B4GALT1: variants seen among roughly 807,000 people sequenced by gnomAD.
B4GALT1 encodes N-acetyllactosamine synthase.
Under a neutral mutation model 34.9 loss-of-function variants are expected in B4GALT1, and 16 were observed. The ratio of observed to expected loss-of-function variants is 0.46; its 90% CI spans 0.31 to 0.70. The LOEUF is 0.70. Among genes scored for constraint, B4GALT1 ranks in the 30% least tolerant of loss-of-function variants. The pLI, the probability that B4GALT1 is intolerant of heterozygous loss-of-function variation, is 0.05. For missense variants in B4GALT1, 445 were observed against 530.5 expected (o/e 0.84, Z 1.58); for synonymous variants, 221 against 218.1 (o/e 1.01, Z -0.12).
intron 3 of B4GALT1, among the ~76,000 whole-genome samples, chr9:33,117,976 GC>G: frequency 6.6e-6 from 1 of 152,142 alleles, no homozygotes; most frequent in Non-Finnish European, 1.5e-5. Context: ...TCCCCTATCT[GC>G]CCCAAGCCCA....
chr9:33,125,703 A>G (rs1840082240), intron 2 of B4GALT1, among the ~76,000 whole-genome samples: 1 of 152,136 alleles, frequency 6.6e-6, no homozygotes, highest in African/African-American at 2.4e-5. Flanking sequence ...AATCCCCAAG[A>G]AAATCCTAAC....
At chr9:33,163,109 T>C (rs1378844565) in intron 1 of B4GALT1, among the ~76,000 whole-genome samples, 3 of 151,166 alleles carry the variant, frequency 2.0e-5, no homozygotes, top group African/African-American at 7.3e-5. Flanking sequence ...CGAGAGAGAG[T>C]CCTTTCCCAA....
At chr9:33,126,526 C>G (rs1045496486) in intron 2 of B4GALT1, among the ~76,000 whole-genome samples, 2 of 69,850 alleles carry the variant, frequency 2.9e-5, no homozygotes, top group African/African-American at 8.6e-5. Context: ...GCAATCTTCT[C>G]ACCTCAGCCT....
chr9:33,138,479 C>T (rs1840302890), intron 1 of B4GALT1, among the ~76,000 whole-genome samples: 1 of 152,100 alleles, frequency 6.6e-6, no homozygotes, highest in East Asian at 1.9e-4. Context: ...CTTCCCTGCC[C>T]TCAGCATGAA....
At chr9:33,105,494 G>A (rs940705518) in intron 2 of B4GALT1, among the ~76,000 whole-genome samples, 1 of 152,228 alleles carries the variant, frequency 6.6e-6, no homozygotes, top group South Asian at 2.1e-4. Context: ...CAGTCATCGG[G>A]GGCAGAGTGC....
At chr9:33,126,234 A>C (rs1397092489) in intron 2 of B4GALT1, among the ~76,000 whole-genome samples, 1 of 152,094 alleles carries the variant, frequency 6.6e-6, no homozygotes, top group African/African-American at 2.4e-5. Flanking sequence ...GGTTGCATGA[A>C]ACAGTAACAG....
At chr9:33,135,474 C>A in intron 1 of B4GALT1, 50 bp from the exon 2 acceptor site, 4 of 1,547,976 alleles carry the variant, frequency 2.6e-6, no homozygotes, top group Non-Finnish European at 3.6e-6. Flanking sequence ...GACTCGCCAC[C>A]GCTCCACAGG....
rs921847636 is a variant in B4GALT1, at chr9:33,131,755, C to T, written c.648+3434G>A. On this transcript the variant is annotated intron_variant, in intron 2 of 5. Coordinates refer to ENST00000379731, the MANE Select transcript of B4GALT1 (RefSeq NM_001497.4). Reference sequence around the variant, plus strand: ...GGTCAAAACCAGGTGCTACAAAATCCCTTTCTTCTTCTAGAATATAACCAT... The same window carrying T: ...GGTCAAAACCAGGTGCTACAAAATCTCTTTCTTCTTCTAGAATATAACCAT... 6.6e-5 allele frequency among the ~76,000 whole-genome samples: 10 copies of T among 152,306 alleles called. No homozygotes were observed. In the South Asian group the frequency reaches 1.9e-3, roughly 28 times the overall value.
At chr9:33,151,263 A>C (rs1819114865) in intron 1 of B4GALT1, among the ~76,000 whole-genome samples, 1 of 152,204 alleles carries the variant, frequency 6.6e-6, no homozygotes, top group African/African-American at 2.4e-5. Context: ...TAACAGTTCT[A>C]ATCTTCCCAG....
At chr9:33,161,349 C>T (rs1412784045) in intron 1 of B4GALT1, among the ~76,000 whole-genome samples, 1 of 152,128 alleles carries the variant, frequency 6.6e-6, no homozygotes. Context: ...CCAAGCCCCA[C>T]TCTCCAACCT....
chr9:33,158,986 C>T (rs1444667290), intron 1 of B4GALT1, among the ~76,000 whole-genome samples: 1 of 152,194 alleles, frequency 6.6e-6, no homozygotes, highest in African/African-American at 2.4e-5. Flanking sequence ...TATTCTTGGG[C>T]AGGCAGGGAC....
chr9:33,129,313 C>T (rs1018398171), intron 2 of B4GALT1, among the ~76,000 whole-genome samples: 2 of 152,206 alleles, frequency 1.3e-5, no homozygotes, highest in South Asian at 4.1e-4. Context: ...CTGCATTTTT[C>T]CTGATAAGGG....
intron 1 of B4GALT1, among the ~76,000 whole-genome samples, chr9:33,162,512 A>C (rs1587752410): frequency 6.6e-6 from 1 of 152,222 alleles, no homozygotes; most frequent in African/African-American, 2.4e-5. Flanking sequence ...TATCCATACA[A>C]GATCACCATA....
chr9:33,108,648 G>GT (rs1411857444), downstream of B4GALT1: 1 of 152,164 alleles, frequency 6.6e-6, no homozygotes, highest in East Asian at 1.9e-4. Flanking sequence ...GGATGCGTGC[G>GT]TCTGGGTGGA....
intron 2 of B4GALT1, among the ~76,000 whole-genome samples, chr9:33,121,313 G>A (rs1240691285): frequency 6.6e-6 from 1 of 152,222 alleles, no homozygotes; most frequent in South Asian, 2.1e-4. Context: ...TGCCAACCAC[G>A]AGGTCCCCAG....
chr9:33,138,328 T>C (rs1319656459), intron 1 of B4GALT1, among the ~76,000 whole-genome samples: 4 of 152,168 alleles, frequency 2.6e-5, no homozygotes, highest in Non-Finnish European at 1.5e-5. Flanking sequence ...AGGGTACTGG[T>C]TTCCTCATTT....
rs1345764488 is a variant in B4GALT1 at position 33,113,494 on chromosome 9, A to G, written c.1157T>C (p.Leu386Ser). The G allele has an allele frequency of 1.2e-6, 2 of 1,614,244 alleles. No individual in the cohort carries two copies. ...GATGTCCACTGTGATTTGGGTATAC[A>G]ATGGGTATCTCTGTACATCCAGCAC... ...YQVLDVQRYP[L>S]YTQITVDIGT... is the part of the protein sequence containing the mutation. Residue 386 changes from leucine (L) to serine (S), a missense_variant, in exon 6 of 6, where the codon TTG (leucine) becomes TCG (serine). Around this residue, in one of 3 missense-constraint regions of B4GALT1, gnomAD observed 89 missense variants for 107.6 expected, o/e 0.83. Transcript: ENST00000379731.
chr9:33,118,203 A>T (rs1045178876), intron 3 of B4GALT1, among the ~76,000 whole-genome samples: 1 of 152,224 alleles, frequency 6.6e-6, no homozygotes, highest in East Asian at 1.9e-4. Context: ...GAAGAGTCTA[A>T]AAGTAAGGTT....
intron 5 of B4GALT1, 91 bp downstream of exon 5, chr9:33,113,683 C>T: frequency 6.2e-7 from 1 of 1,607,284 alleles, no homozygotes; most frequent in Non-Finnish European, 8.5e-7. Context: ...TGTAACCTGA[C>T]CACCTCAATT....
Sources: allele counts gnomAD v4.1 joint callset (sites outside exome capture counted in the v4.1 genomes callset), GRCh38; gene constraint gnomAD v4.1.1; regional missense constraint gnomAD v4.1.1; transcripts MANE v1.5; gene names NCBI Gene and HGNC (gene_info 2026-07-23, HGNC 2026-07-21).